MAP3K9: variants seen among roughly 807,000 people sequenced by gnomAD.
MAP3K9 encodes the protein mixed lineage kinase 1 (tyr and ser/thr specificity).
In MAP3K9, 46 loss-of-function variants were observed where a neutral mutation model predicts 95.8. That is an observed-to-expected ratio of 0.48 (90% confidence interval 0.38 to 0.61). MAP3K9 has a LOEUF of 0.61. MAP3K9 is among the 20% of genes least tolerant of loss of function. The pLI is 0.00. For synonymous variants in MAP3K9, 533 were observed against 593.8 expected (o/e 0.90, Z 1.49); for missense variants, 1,296 against 1,474.3 (o/e 0.88, Z 1.98).
intron 2 of MAP3K9, among the ~76,000 whole-genome samples, chr14:70,774,866 T>C (rs1265143367): frequency 1.3e-5 from 2 of 151,072 alleles, no homozygotes; most frequent in Non-Finnish European, 2.9e-5. Flanking sequence ...GCATCTGTAG[T>C]CCCAGCTACT....
intron 2 of MAP3K9, among the ~76,000 whole-genome samples, chr14:70,761,835 T>C (rs2054379718): frequency 6.6e-6 from 1 of 152,224 alleles, no homozygotes; most frequent in Admixed American, 6.5e-5. Context: ...TTCACAATGT[T>C]GTACAACTAC....
chr14:70,734,303 C>T, intron 10 of MAP3K9, 83 bp downstream of exon 10: 1 of 927,912 alleles, frequency 1.1e-6, no homozygotes, highest in Middle Eastern at 2.8e-4. Context: ...GCTAGGGGTC[C>T]TTAAATGGTC....
intron 5 of MAP3K9, among the ~76,000 whole-genome samples, chr14:70,747,758 T>C (rs1176606705): frequency 1.3e-5 from 2 of 152,136 alleles, no homozygotes; most frequent in East Asian, 3.9e-4. Context: ...TGGGAAACCA[T>C]AAAGCCATAA....
chr14:70,739,544 G>T (rs1290562956), intron 7 of MAP3K9, among the ~76,000 whole-genome samples: 1 of 150,740 alleles, frequency 6.6e-6, no homozygotes, highest in African/African-American at 2.4e-5. Context: ...GTATGTGTGA[G>T]TATTTTTTTT....
rs527847228 is a variant in MAP3K9 at position 70,725,616 on chromosome 14, A to G, written c.*4764T>C. 3 of 152,180 alleles carry G rather than the reference A, an allele frequency of 2.0e-5. No homozygotes were observed. Among genetic ancestry groups the G allele is most frequent in the Non-Finnish European group, 2.9e-5 (2 of 68,032 alleles). The allele number at this position is 152,180 out of a possible 1,614,324, so 9.4% of individuals were successfully genotyped here. On this transcript the variant is annotated 3_prime_UTR_variant, in exon 12 of 12. Coordinates refer to ENST00000554752, the MANE Select transcript of MAP3K9 (RefSeq NM_001284230.2). ...AGAAATAGCAATGGATTTTCCTTTC[A>G]TATGTGAATTTTCATTAATTTGAAT...
intron 3 of MAP3K9, chr14:70,752,945 G>GT (rs761367216): frequency 8.5e-5 from 13 of 152,230 alleles, no homozygotes; most frequent in African/African-American, 1.9e-4. Flanking sequence ...TACCTGGCTT[G>GT]TTTCTTTGTT....
chr14:70,750,179 A>C, intron 3 of MAP3K9, 98 bp from the exon 4 acceptor site: 1 of 1,074,966 alleles, frequency 9.3e-7, no homozygotes, highest in Non-Finnish European at 1.4e-6. Flanking sequence ...ATTCTCCCCA[A>C]CAGATAGTGA....
At chr14:70,782,343 G>A (rs1156608363) in intron 2 of MAP3K9, among the ~76,000 whole-genome samples, 3 of 152,140 alleles carry the variant, frequency 2.0e-5, no homozygotes, top group Non-Finnish European at 4.4e-5. Flanking sequence ...TACCCACATC[G>A]GTTGAGAATC....
intron 2 of MAP3K9, among the ~76,000 whole-genome samples, chr14:70,792,483 T>C (rs2054817378): frequency 6.6e-6 from 1 of 152,218 alleles, no homozygotes; most frequent in Non-Finnish European, 1.5e-5. Flanking sequence ...GACCAAGACT[T>C]GGGTTTTCCA....
At chr14:70,787,932 G>A (rs551554871) in intron 2 of MAP3K9, among the ~76,000 whole-genome samples, 1 of 152,248 alleles carries the variant, frequency 6.6e-6, no homozygotes, top group African/African-American at 2.4e-5. Context: ...CAGAGATGGG[G>A]GGAGCAAGGG....
chr14:70,791,683 C>G (rs533669130), intron 2 of MAP3K9, among the ~76,000 whole-genome samples: 1 of 152,208 alleles, frequency 6.6e-6, no homozygotes, highest in East Asian at 1.9e-4. Flanking sequence ...CAGATCACGT[C>G]GGAAACAAAA....
chr14:70,772,526 T>G (rs910434454), intron 2 of MAP3K9, among the ~76,000 whole-genome samples: 2 of 152,222 alleles, frequency 1.3e-5, no homozygotes, highest in Non-Finnish European at 1.5e-5. Context: ...AACAAATGAA[T>G]GCAAATCATC....
At chr14:70,769,579 C>T (rs1252050943) in intron 2 of MAP3K9, among the ~76,000 whole-genome samples, 1 of 152,188 alleles carries the variant, frequency 6.6e-6, no homozygotes, top group Non-Finnish European at 1.5e-5. Context: ...AGTCCAAAAT[C>T]AAGGTGTCGG....
rs532942328 is a variant in MAP3K9 at position 70,767,308 on chromosome 14, C to T, written c.821-6126G>A. Among the ~76,000 whole-genome samples the T allele has an allele frequency of 4.1e-5, 6 of 147,362 alleles. No individual in the cohort carries two copies. In the South Asian group the frequency reaches 1.1e-3, roughly 26 times the overall value. On this transcript the variant is annotated intron_variant, in intron 2 of 11. Coordinates refer to ENST00000554752, the MANE Select transcript of MAP3K9 (RefSeq NM_001284230.2). ...CTGAGGCAGGAGAATTTCTTGAACC[C>T]ATGAGGCGGAGGTTGAAGTGAGCCG...
intron 2 of MAP3K9, among the ~76,000 whole-genome samples, chr14:70,764,928 T>C (rs2054429209): frequency 6.6e-6 from 1 of 152,210 alleles, no homozygotes; most frequent in Admixed American, 6.5e-5. Flanking sequence ...AGCTGTACAG[T>C]GTGTTTATGT....
intron 2 of MAP3K9, among the ~76,000 whole-genome samples, chr14:70,774,523 C>T (rs1354620286): frequency 4.6e-5 from 7 of 151,630 alleles, no homozygotes; most frequent in Admixed American, 1.3e-4. Flanking sequence ...ATTAGCCAGG[C>T]GTGGTGGTGG....
rs762288591 is a variant in MAP3K9 at position 70,730,715 on chromosome 14, G to A, written c.2980C>T (p.Arg994Trp). ...TGCCGGTTGGCAGAAGGACGCGGCCGAGGCAGAAACTCCAGAGTCTTGGGT... is the reference window on the plus strand; with the variant it reads ...TGCCGGTTGGCAGAAGGACGCGGCCAAGGCAGAAACTCCAGAGTCTTGGGT... ...ERPKTLEFLPRPRPSANRQRL... is the reference protein window; with the variant it reads ...ERPKTLEFLPWPRPSANRQRL... Residue 994 changes from arginine to tryptophan, a missense_variant, in exon 12 of 12, where the codon CGG (arginine) becomes TGG (tryptophan). By Grantham distance (101) the Arg-to-Trp change is moderately radical. Around this residue, in one of 5 missense-constraint regions of MAP3K9, gnomAD observed 433 missense variants for 441.4 expected, o/e 0.98. Transcript: ENST00000554752. 8.1e-6 allele frequency: 13 copies of A among 1,613,768 alleles called. No homozygotes were observed. The Admixed American group carries it at 8.3e-5, about 10-fold the overall frequency.
chr14:70,750,003 T>C lies in MAP3K9; in HGVS notation c.1080A>G (p.Gly360=). ...GAAGGGCGAGTTTGTTCATGGCCAC[T>C]CCATAAGCGACTGCTAAGCCATCAA... The part of the protein sequence containing the change: ...RGIDGLAVAY[G]VAMNKLALPI... Residue 360 remains glycine, a synonymous_variant, in exon 4 of 12, where the codon GGA becomes GGG. Transcript: ENST00000554752. 1 of 1,614,116 alleles carries C rather than the reference T, an allele frequency of 6.2e-7. No homozygotes were observed. Among genetic ancestry groups the C allele is most frequent in the Non-Finnish European group, 8.5e-7 (1 of 1,180,012 alleles).
intron 5 of MAP3K9, among the ~76,000 whole-genome samples, chr14:70,746,761 T>C (rs2054152843): frequency 6.6e-6 from 1 of 152,272 alleles, no homozygotes; most frequent in Admixed American, 6.5e-5. Flanking sequence ...TTAGCTATTA[T>C]GAGTTTGACT....
Sources: allele counts gnomAD v4.1 joint callset (sites outside exome capture counted in the v4.1 genomes callset), GRCh38; gene constraint gnomAD v4.1.1; regional missense constraint gnomAD v4.1.1; transcripts MANE v1.5; gene names NCBI Gene and HGNC (gene_info 2026-07-23, HGNC 2026-07-21).